The following SFXN5 variants were observed in gnomAD, a reference collection of about 807,000 sequenced individuals.
SFXN5 encodes the protein sideroflexin-5.
SFXN5 carries 43 observed loss-of-function variants against 50.2 expected under a neutral mutation model. That is an observed-to-expected ratio of 0.86 (90% CI 0.67 to 1.11). The LOEUF is 1.11. Ranked by LOEUF, SFXN5 falls within the 50% of genes least tolerant of loss-of-function variation. SFXN5 has a pLI of 0.00. For synonymous variants in SFXN5, 203 were observed against 185.8 expected, an observed-to-expected ratio of 1.09 and a Z score of -0.75; for missense variants, 463 against 454.1, an observed-to-expected ratio of 1.02 and a Z score of -0.18.
chr2:72,996,507 G>GT (rs11447075), intron 9 of SFXN5: 61,325 of 125,126 alleles, frequency 0.49, 16,072 homozygotes, highest in South Asian at 0.6. Context: ...GCTGAGTTTT[G>GT]TTTTTTTTTT....
chr2:73,037,189 T>C (rs892248580), intron 3 of SFXN5, among the ~76,000 whole-genome samples: 1 of 152,228 alleles, frequency 6.6e-6, no homozygotes, highest in African/African-American at 2.4e-5. Context: ...TCACCAGCCC[T>C]GTCAGCCCTC....
intron 10 of SFXN5, among the ~76,000 whole-genome samples, chr2:72,985,239 T>G: frequency 6.6e-6 from 1 of 152,192 alleles, no homozygotes; most frequent in Non-Finnish European, 1.5e-5. Flanking sequence ...GCCAGCTTCT[T>G]GGTCACCTTT....
intron 6 of SFXN5, among the ~76,000 whole-genome samples, chr2:73,006,596 T>G (rs1278295306): frequency 2.0e-5 from 3 of 150,314 alleles, no homozygotes; most frequent in Non-Finnish European, 4.4e-5. Context: ...CACTCCAGCC[T>G]GGGCGACAGA....
At chr2:72,977,258 G>A (rs894438988) in intron 10 of SFXN5, among the ~76,000 whole-genome samples, 1 of 152,126 alleles carries the variant, frequency 6.6e-6, no homozygotes, top group Admixed American at 6.5e-5. Context: ...CCTGAGACTC[G>A]CCCTTTGTAA....
chr2:72,975,997 G>A (rs930356955), intron 10 of SFXN5, among the ~76,000 whole-genome samples: 1 of 152,212 alleles, frequency 6.6e-6, no homozygotes, highest in African/African-American at 2.4e-5. Context: ...TCCACCATTA[G>A]GGAACTCACA....
chr2:73,034,500 T>C (rs1678714156), intron 3 of SFXN5, among the ~76,000 whole-genome samples: 1 of 152,124 alleles, frequency 6.6e-6, no homozygotes, highest in Non-Finnish European at 1.5e-5. Flanking sequence ...AGCAGCTCTT[T>C]CTCCTAGGCA....
At chr2:72,956,100 A>C (rs934767593) in intron 13 of SFXN5, among the ~76,000 whole-genome samples, 1 of 152,240 alleles carries the variant, frequency 6.6e-6, no homozygotes, top group Non-Finnish European at 1.5e-5. Context: ...CATGGGGCAG[A>C]GAGCAGATTC....
At chr2:73,003,963 T>C (rs1181298242) in intron 6 of SFXN5, among the ~76,000 whole-genome samples, 2 of 152,246 alleles carry the variant, frequency 1.3e-5, no homozygotes, top group African/African-American at 4.8e-5. Context: ...AAGAGATGGA[T>C]TGACTGATTT....
In SFXN5 at chr2:72,983,532, T is replaced by A. The variant is rs183470606; in HGVS notation, c.625+4726A>T. 5.9e-5 allele frequency among the ~76,000 whole-genome samples: 9 copies of A among 151,926 alleles called. No individual in the cohort carries two copies. In the East Asian group the frequency reaches 1.7e-3, roughly 29 times the overall value. ...GAGGAGCTCAGGGCCTAGCTGGGGGTCTTGATGAGCACATGACACTCACTG... is the reference window on the plus strand; with the variant it reads ...GAGGAGCTCAGGGCCTAGCTGGGGGACTTGATGAGCACATGACACTCACTG... On this transcript the variant is annotated intron_variant, in intron 10 of 13. Transcript: ENST00000272433.
chr2:72,980,771 C>T (rs2105515496), intron 10 of SFXN5, among the ~76,000 whole-genome samples: 1 of 152,276 alleles, frequency 6.6e-6, no homozygotes, highest in South Asian at 2.1e-4. Context: ...AAAGCTCAAA[C>T]CCCAAGCTAA....
intron 10 of SFXN5, among the ~76,000 whole-genome samples, chr2:72,972,797 A>C (rs1410900141): frequency 6.6e-6 from 1 of 152,210 alleles, no homozygotes. Flanking sequence ...ATTAATGTCA[A>C]TTAATTTTGT....
At chr2:73,047,331 GTA>G (rs568730601) in intron 2 of SFXN5, among the ~76,000 whole-genome samples, 154 of 117,500 alleles carry the variant, frequency 1.3e-3, no homozygotes, top group African/African-American at 4.2e-3. Context: ...ATATATATGT[GTA>G]TATATATGTA....
chr2:73,008,229 G>A (rs10496188), intron 6 of SFXN5, among the ~76,000 whole-genome samples: 22,455 of 152,196 alleles, frequency 0.15, 1,962 homozygotes, highest in East Asian at 0.36. Context: ...GACAGAAATC[G>A]GATTTAGACT....
intron 1 of SFXN5, among the ~76,000 whole-genome samples, chr2:73,065,720 AT>A (rs1683125014): frequency 6.6e-6 from 1 of 150,388 alleles, no homozygotes; most frequent in Non-Finnish European, 1.5e-5. Flanking sequence ...TTGAAGGGCT[AT>A]TTTTTGTATT....
intron 2 of SFXN5, among the ~76,000 whole-genome samples, chr2:73,052,367 T>TATGC (rs1559208469): frequency 2.3e-4 from 33 of 145,656 alleles, no homozygotes; most frequent in East Asian, 2.0e-3. Flanking sequence ...TGCGTGTGTG[T>TATGC]GTGTGTGTGT....
chr2:72,969,488 G>C (rs772297832), intron 11 of SFXN5, among the ~76,000 whole-genome samples: 6 of 152,032 alleles, frequency 3.9e-5, no homozygotes, highest in Non-Finnish European at 8.8e-5. Context: ...TCCACCTCCT[G>C]GGTTCAAGCA....
chr2:73,064,480 G>GA (rs1257456585), intron 1 of SFXN5, among the ~76,000 whole-genome samples: 1 of 152,228 alleles, frequency 6.6e-6, no homozygotes, highest in Non-Finnish European at 1.5e-5. Context: ...AGCAGCACTA[G>GA]AAAAAACTCA....
chr2:73,025,120 C>T (rs974926817), intron 3 of SFXN5, among the ~76,000 whole-genome samples: 11 of 151,926 alleles, frequency 7.2e-5, no homozygotes, highest in Non-Finnish European at 1.5e-4. Context: ...AAGTGAGGGC[C>T]TAACAGCAAA....
chr2:73,034,281 CT>C (rs1346891360), intron 3 of SFXN5, among the ~76,000 whole-genome samples: 1 of 152,240 alleles, frequency 6.6e-6, no homozygotes, highest in Non-Finnish European at 1.5e-5. Context: ...ATCCCCAGAG[CT>C]TGATGCTAGG....
Sources: gnomAD v4.1 joint callset for allele counts (sites outside exome capture counted in the v4.1 genomes callset) on GRCh38, gnomAD v4.1.1 for gene constraint, MANE v1.5 for transcripts, NCBI Gene and HGNC (gene_info 2026-07-23, HGNC 2026-07-21) for gene names.